Variants in UNG observed in about 807,000 individuals in gnomAD.
UNG encodes the protein uracil-DNA glycosylase.
A neutral mutation model predicts 36.5 loss-of-function variants in UNG; 34 were observed. The observed-to-expected ratio is 0.93, with a 90% CI of 0.71 to 1.24. UNG has a LOEUF of 1.24. UNG is among the 50% of genes most tolerant of loss of function. The probability of loss-of-function intolerance (pLI) is 0.00; values close to 1 mark genes in which losing one functional copy is unlikely to be tolerated. For synonymous variants in UNG, 172 were observed against 157.8 expected (o/e 1.09, Z -0.67); for missense variants, 391 against 397.6 (o/e 0.98, Z 0.14).
rs1002511393 is a variant in UNG at position 109,098,125 on chromosome 12, C to T, written c.133-307C>T. The stretch of plus-strand genomic sequence containing the variant: ...GGGAGGTTTTTTGCCGCGAAAAGAC[C>T]ACGTGGGGACGCGGTGGGGCGGGTC... On this transcript the variant is annotated intron_variant, in intron 1 of 6. Coordinates refer to ENST00000242576, the MANE Select transcript of UNG (RefSeq NM_080911.3). 4 of 1,384,652 alleles carry T rather than the reference C, an allele frequency of 2.9e-6. No individual in the cohort carries two copies. The African/African-American group carries it at 5.9e-5, about 20-fold the overall frequency. 85.8% of individuals were successfully genotyped at this position (1,384,652 alleles called of 1,614,324 possible).
At position 109,102,912 on chromosome 12, in the gene UNG, G is replaced by T; in HGVS notation, c.607G>T (p.Gly203Trp). The change falls in exon 5 of 7, where the codon GGG becomes TGG. Residue 203 changes from glycine (G) to tryptophan (W), a missense_variant. Transcript: ENST00000242576. Reference sequence around the variant, plus strand: ...TCATCCTGGCCATGGAGATTTATCTGGGTGGGCCAAGCAAGGTAAGCCAGC... The same window carrying T: ...TCATCCTGGCCATGGAGATTTATCTTGGTGGGCCAAGCAAGGTAAGCCAGC... ...FVHPGHGDLS[G>W]WAKQGVLLLN... 1 of 1,611,650 alleles carries T rather than the reference G, an allele frequency of 6.2e-7. No individual in the cohort carries two copies. Among genetic ancestry groups the T allele is most frequent in the South Asian group, 1.1e-5 (1 of 90,994 alleles).
intron 1 of UNG, chr12:109,098,100 G>T: frequency 7.2e-7 from 1 of 1,385,980 alleles, no homozygotes; most frequent in Non-Finnish European, 9.3e-7. Flanking sequence ...GGGACCCAGA[G>T]GGAGGTTTTT....
chr12:109,098,153 G>C (rs2042146151), intron 1 of UNG: 1 of 1,392,982 alleles, frequency 7.2e-7, no homozygotes, highest in East Asian at 2.7e-5. Context: ...GGCGGGTCTG[G>C]CGGGGGCGGG....
intron 3 of UNG, 91 bp from the exon 4 acceptor site, chr12:109,101,811 T>G: frequency 1.8e-6 from 2 of 1,099,668 alleles, no homozygotes; most frequent in Non-Finnish European, 2.8e-6. Flanking sequence ...CATAGAAGTG[T>G]TTTATTTGTT....
At chr12:109,104,343 C>T (rs940307994) in intron 6 of UNG, among the ~76,000 whole-genome samples, 2 of 152,096 alleles carry the variant, frequency 1.3e-5, no homozygotes, top group Non-Finnish European at 2.9e-5. Flanking sequence ...CCACCACACC[C>T]GGCCTATCGG....
chr12:109,097,884 G>A lies in UNG; in HGVS notation c.132+73G>A, dbSNP rs544049038. ...CGGTGGGCCCCGCCTGACGGAGGGC[G>A]TGCAGGATCGCGCCTCTGACTCGGT... is the stretch of plus-strand genomic sequence containing the variant. On this transcript the variant is annotated intron_variant, in intron 1 of 6. Transcript: ENST00000242576. 47 of 1,435,024 alleles carry A rather than the reference G, an allele frequency of 3.3e-5. 1 individual carries two copies. Among genetic ancestry groups the A allele is most frequent in the Admixed American group, 1.6e-4 (6 of 37,158 alleles). The allele number at this position is 1,435,024 out of a possible 1,614,324, so 88.9% of individuals were successfully genotyped here.
chr12:109,104,404 C>T (rs757010704), intron 6 of UNG, among the ~76,000 whole-genome samples: 1 of 152,074 alleles, frequency 6.6e-6, no homozygotes, highest in South Asian at 2.1e-4. Flanking sequence ...CACGACCAAA[C>T]CAGTGGCTCC....
chr12:109,097,819 G>T lies in UNG; in HGVS notation c.132+8G>T. 1 of 1,538,344 alleles carries T rather than the reference G, an allele frequency of 6.5e-7. No individual in the cohort carries two copies. The highest frequency in any genetic ancestry group is 8.8e-7 in the Non-Finnish European group (1 of 1,139,506). On this transcript the variant is annotated splice_region_variant and intron_variant, in intron 1 of 6. Transcript: ENST00000242576. ...GAAAGCGGAGATGCGGCGGTGAGGC[G>T]CGGCTTGGGCCGGGGCTAGGGGGTG...
Position 109,098,316 on chromosome 12 carries a change from C to G in UNG, c.133-116C>G, listed in dbSNP as rs778314981. On this transcript the variant is annotated intron_variant, in intron 1 of 6. Transcript: ENST00000242576. ...TCTTACTGTCCGCTTTTGCTGGGAC[C>G]TGTTCCACAAATGGGCGTCTTCTGC... 3.5e-5 allele frequency: 56 copies of G among 1,596,148 alleles called. 1 individual carries two copies. The South Asian group carries it at 5.8e-4, about 16-fold the overall frequency.
chr12:109,098,055 C>G, intron 1 of UNG: 1 of 1,375,058 alleles, frequency 7.3e-7, no homozygotes, highest in South Asian at 1.7e-5. Flanking sequence ...GCCCTCCTGG[C>G]TCGGTGCGCT....
At chr12:109,101,522 A>G (rs3219228) in intron 3 of UNG, among the ~76,000 whole-genome samples, 3 of 151,944 alleles carry the variant, frequency 2.0e-5, no homozygotes, top group African/African-American at 4.8e-5. Context: ...CCTCAGCAAC[A>G]TAAGGGAGGC....
In UNG at chr12:109,110,574, A is replaced by C. The variant is rs891291549; in HGVS notation, c.*605A>C. On this transcript the variant is annotated 3_prime_UTR_variant, in exon 7 of 7. Transcript: ENST00000242576. Reference sequence around the variant, plus strand: ...AGATTGCTGTGAGCTTTATCAGATAAGAGACCGAGAGAAGTAAGCTGGGTC... The same window carrying C: ...AGATTGCTGTGAGCTTTATCAGATACGAGACCGAGAGAAGTAAGCTGGGTC... 1.3e-5 allele frequency: 2 copies of C among 154,886 alleles called. No individual in the cohort carries two copies. The highest frequency in any genetic ancestry group is 2.9e-5 in the Non-Finnish European group (2 of 69,688). 9.6% of individuals were successfully genotyped at this position (154,886 alleles called of 1,614,324 possible).
At chr12:109,106,892 C>CATATATACACAT (rs2042219581) in intron 6 of UNG, among the ~76,000 whole-genome samples, 5 of 8,692 alleles carry the variant, frequency 5.8e-4, no homozygotes, top group African/African-American at 4.8e-3. Context: ...TATATATACA[C>CATATATACACAT]ATATATATAT....
chr12:109,097,936 C>T (rs913811621), intron 1 of UNG, 125 bp downstream of exon 1: 5 of 1,322,746 alleles, frequency 3.8e-6, no homozygotes, highest in Non-Finnish European at 4.0e-6. Context: ...TTCCAAATAG[C>T]CTCCACGTGT....
chr12:109,103,422 CAT>C lies in UNG; in HGVS notation c.623-10_623-9del, dbSNP rs1183424751. 61 of 1,613,728 alleles carry C rather than the reference CAT, an allele frequency of 3.8e-5. No individual in the cohort carries two copies. The highest frequency in any genetic ancestry group is 5.0e-5 in the Non-Finnish European group (59 of 1,179,708). On this transcript the variant is annotated splice_polypyrimidine_tract_variant and intron_variant, in intron 5 of 6. Coordinates refer to ENST00000242576, the MANE Select transcript of UNG (RefSeq NM_080911.3). Reference sequence around the variant, plus strand: ...GAGCCTACATTTAACCTGTTTCTCTCATGTGTATAGGTGTTCTCCTTCTCAAC... The same window carrying C: ...GAGCCTACATTTAACCTGTTTCTCTCGTGTATAGGTGTTCTCCTTCTCAAC...
chr12:109,102,335 G>A (rs923532504), intron 4 of UNG, among the ~76,000 whole-genome samples: 12 of 152,110 alleles, frequency 7.9e-5, no homozygotes, highest in Non-Finnish European at 1.6e-4. Context: ...GCTTTGGGCC[G>A]GGCGCGGTGA....
rs139936609 is a variant in UNG, at chr12:109,098,589, G to A, written c.290G>A (p.Ser97Asn). 3 of 1,613,436 alleles carry A rather than the reference G, an allele frequency of 1.9e-6. No homozygotes were observed. The highest frequency in any genetic ancestry group is 2.7e-5 in the African/African-American group (2 of 74,948). The change falls in exon 2 of 7, where the codon AGC (serine) becomes AAC (asparagine). Residue 97 changes from serine to asparagine, a missense_variant. Ser to Asn is a conservative substitution (Grantham distance 46, BLOSUM62 1). Coordinates refer to ENST00000242576, the MANE Select transcript of UNG (RefSeq NM_080911.3). Reference protein sequence around the residue: ...ARNVPVGFGESWKKHLSGEFG... With the variant: ...ARNVPVGFGENWKKHLSGEFG... ...AACGTGCCCGTGGGCTTTGGAGAGA[G>A]CTGGAAGAAGCACCTCAGCGGGGAG...
intron 6 of UNG, among the ~76,000 whole-genome samples, chr12:109,106,916 T>TATATATATAC (rs1491420686): frequency 2.5e-5 from 1 of 40,162 alleles, no homozygotes. Flanking sequence ...TATATATATA[T>TATATATATAC]GTGTATATAT....
At chr12:109,098,144 G>A (rs1361715839) in intron 1 of UNG, 5 of 1,387,086 alleles carry the variant, frequency 3.6e-6, no homozygotes, top group Non-Finnish European at 4.6e-6. Flanking sequence ...ACGCGGTGGG[G>A]CGGGTCTGGC....
Sources: gnomAD v4.1 joint callset for allele counts (sites outside exome capture counted in the v4.1 genomes callset) on GRCh38, gnomAD v4.1.1 for gene constraint, MANE v1.5 for transcripts, NCBI Gene and HGNC (gene_info 2026-07-23, HGNC 2026-07-21) for gene names.